Variants in DDX46 observed in about 807,000 individuals in gnomAD.
DDX46 encodes the protein probable ATP-dependent RNA helicase DDX46.
A neutral mutation model predicts 134.9 loss-of-function variants in DDX46; 30 were observed. That is an observed-to-expected ratio of 0.22 (90% CI 0.17 to 0.30). The LOEUF (loss-of-function observed/expected upper bound fraction) is 0.30. DDX46 is among the 10% of genes least tolerant of loss of function. The pLI is 1.00. For missense variants in DDX46, 622 were observed against 1,248.7 expected (o/e 0.50, Z 7.56); for synonymous variants, 415 against 404.1 (o/e 1.03, Z -0.32).
At chr5:134,769,566 G>T in intron 3 of DDX46, among the ~76,000 whole-genome samples, 1 of 140,118 alleles carries the variant, frequency 7.1e-6, no homozygotes, top group Admixed American at 7.2e-5. Context: ...TTGAGGTGAA[G>T]TTTTGCTCTT....
At chr5:134,801,376 A>G (rs1754823657) in intron 15 of DDX46, among the ~76,000 whole-genome samples, 2 of 151,902 alleles carry the variant, frequency 1.3e-5, no homozygotes, top group African/African-American at 4.8e-5. Flanking sequence ...TCCAAGTTCC[A>G]AGTTCTTGCA....
At chr5:134,824,872 CA>C (rs902751145) in intron 21 of DDX46, among the ~76,000 whole-genome samples, 1 of 152,156 alleles carries the variant, frequency 6.6e-6, no homozygotes, top group Admixed American at 6.5e-5. Context: ...GGCCTCCCAC[CA>C]GGCAAAGGGA....
chr5:134,785,714 G>A (rs556071236), intron 11 of DDX46, 128 bp downstream of exon 11: 4 of 1,133,540 alleles, frequency 3.5e-6, no homozygotes, highest in Non-Finnish European at 4.8e-6. Context: ...AAAAAATGAA[G>A]TATAAAAATA....
intron 3 of DDX46, among the ~76,000 whole-genome samples, chr5:134,770,454 T>G (rs1753726364): frequency 6.6e-6 from 1 of 152,100 alleles, no homozygotes; most frequent in South Asian, 2.1e-4. Flanking sequence ...TTTCAATTGA[T>G]CCTCCTGCCT....
rs377599114 is a variant in DDX46, at chr5:134,784,914, T to C, written c.1342+373T>C. On this transcript the variant is annotated intron_variant, in intron 10 of 22. Transcript: ENST00000452510. Reference sequence around the variant, plus strand: ...TAGGGAAACATATTTTCCTAGGTAGTTTTTGGCCTTAACAGGCTATAATGC... The same window carrying C: ...TAGGGAAACATATTTTCCTAGGTAGCTTTTGGCCTTAACAGGCTATAATGC... Among the ~76,000 whole-genome samples, 29 of 152,338 alleles carry C rather than the reference T, an allele frequency of 1.9e-4. No individual in the cohort carries two copies. In the South Asian group the frequency reaches 5.8e-3, roughly 30 times the overall value.
At chr5:134,762,200 C>T (rs1042494183) in intron 1 of DDX46, among the ~76,000 whole-genome samples, 1 of 146,636 alleles carries the variant, frequency 6.8e-6, no homozygotes, top group Non-Finnish European at 1.5e-5. Flanking sequence ...TGCTTGAGGC[C>T]GGGAGGTTAA....
At chr5:134,797,277 T>C in intron 15 of DDX46, 1 of 212,960 alleles carries the variant, frequency 4.7e-6, no homozygotes, top group Non-Finnish European at 9.5e-6. Context: ...TAGTAATGAA[T>C]CACTCCAAAA....
At chr5:134,769,781 A>G (rs979112007) in intron 3 of DDX46, among the ~76,000 whole-genome samples, 15 of 149,478 alleles carry the variant, frequency 1.0e-4, no homozygotes, top group African/African-American at 5.1e-5. Context: ...TCCTAACCTC[A>G]TGTGATCCAC....
rs560410453 is a variant in DDX46, at chr5:134,759,352, A to T, written c.17+397A>T. Among the ~76,000 whole-genome samples the T allele has an allele frequency of 2.6e-5, 4 of 152,300 alleles. No homozygotes were observed. The South Asian group carries it at 8.3e-4, about 32-fold the overall frequency. ...CTGTATTTTAGTTCTTTGTGCGCGT[A>T]TGATCTTTTCCCAAGTTACTTGAAA... is the stretch of plus-strand genomic sequence containing the variant. On this transcript the variant is annotated intron_variant, in intron 1 of 22. Coordinates refer to ENST00000452510, the MANE Select transcript of DDX46 (RefSeq NM_001300860.2).
At chr5:134,772,059 C>T (rs1251670131) in intron 4 of DDX46, among the ~76,000 whole-genome samples, 4 of 151,532 alleles carry the variant, frequency 2.6e-5, no homozygotes, top group East Asian at 2.0e-4. Flanking sequence ...GGTAAAACCC[C>T]GTCACTACTA....
chr5:134,820,574 G>T lies in DDX46; in HGVS notation c.2977+1570G>T, dbSNP rs552886865. 3.3e-5 allele frequency among the ~76,000 whole-genome samples: 5 copies of T among 152,326 alleles called. No homozygotes were observed. The South Asian group carries it at 8.3e-4, about 25-fold the overall frequency. On this transcript the variant is annotated intron_variant, in intron 21 of 22. Coordinates refer to ENST00000452510, the MANE Select transcript of DDX46 (RefSeq NM_001300860.2). ...AGTTGGGGTTTCACCATGTTGGCCA[G>T]GCTAGACCTCTTACTTCTTGATTGT...
intron 5 of DDX46, 50 bp from the exon 6 acceptor site, chr5:134,777,524 T>C (rs41298958): frequency 0.019 from 30,445 of 1,603,606 alleles, 392 homozygotes; most frequent in Non-Finnish European, 0.022. Context: ...GATTGTGAAA[T>C]ACTGCATTTT....
At chr5:134,828,015 T>C (rs1201724695) in intron 22 of DDX46, among the ~76,000 whole-genome samples, 2 of 152,196 alleles carry the variant, frequency 1.3e-5, no homozygotes, top group Non-Finnish European at 2.9e-5. Flanking sequence ...TGCCAACACA[T>C]GGTGTTGTCA....
chr5:134,758,947 G>A lies in DDX46; in HGVS notation c.9G>A (p.Arg3=). The A allele has an allele frequency of 6.2e-7, 1 of 1,612,714 alleles. No homozygotes were observed. Among genetic ancestry groups the A allele is most frequent in the Non-Finnish European group, 8.5e-7 (1 of 1,179,864 alleles). ...TTCCCGCGGTCGGCAGCATGGGTCG[G>A]GAGTCACGGTGAGGCAGAGCGCCGA... MG[R]ESRHYRKRSA... Residue 3 remains arginine (R), a synonymous_variant, in exon 1 of 23, where the codon CGG becomes CGA. Transcript: ENST00000452510.
chr5:134,804,094 A>C (rs1284978495), intron 15 of DDX46, among the ~76,000 whole-genome samples: 2 of 151,676 alleles, frequency 1.3e-5, no homozygotes, highest in African/African-American at 4.8e-5. Flanking sequence ...CACCATGCCT[A>C]GCCTATTTTT....
At chr5:134,771,126 G>A (rs1257514135) in intron 4 of DDX46, 127 bp downstream of exon 4, 15 of 525,604 alleles carry the variant, frequency 2.9e-5, no homozygotes, top group East Asian at 1.1e-4. Context: ...CTTTCTTTCT[G>A]TCTTTCTTTC....
In DDX46 at chr5:134,827,027, G is replaced by T. The variant is rs772483945; in HGVS notation, c.3051+7G>T. 7 of 1,609,384 alleles carry T rather than the reference G, an allele frequency of 4.3e-6. No homozygotes were observed. In the South Asian group the frequency reaches 6.7e-5, roughly 15 times the overall value. On this transcript the variant is annotated splice_region_variant and intron_variant, in intron 22 of 22. Coordinates refer to ENST00000452510, the MANE Select transcript of DDX46 (RefSeq NM_001300860.2). ...AGAAGAGCTGATCCGGCTGGTGAGTGAAAACCTTAAAGTTTCGTTTGTTTT... is the reference window on the plus strand; with the variant it reads ...AGAAGAGCTGATCCGGCTGGTGAGTTAAAACCTTAAAGTTTCGTTTGTTTT...
In DDX46 at chr5:134,817,642, G is replaced by C. The variant is rs1580818056; in HGVS notation, c.2760G>C (p.Glu920Asp). Residue 920 changes from glutamate (E) to aspartate (D), a missense_variant, in exon 20 of 23, where the codon GAG becomes GAC. Transcript: ENST00000452510. ...NYVPLEKQEE[E>D]RQDGGQNESF... is the part of the protein sequence containing the mutation. ...TGCCGTTAGAGAAACAAGAAGAAGA[G>C]AGACAGGATGGTGGACAGAATGAAT... The C allele has an allele frequency of 3.7e-6, 6 of 1,614,058 alleles. No individual in the cohort carries two copies. Among genetic ancestry groups the C allele is most frequent in the African/African-American group, 1.3e-5 (1 of 74,920 alleles).
chr5:134,798,291 T>C (rs1754729024), intron 15 of DDX46, among the ~76,000 whole-genome samples: 1 of 151,436 alleles, frequency 6.6e-6, no homozygotes, highest in South Asian at 2.1e-4. Flanking sequence ...TCCCGCCTCC[T>C]GGGTTCAAGC....
Sources: gnomAD v4.1 joint callset for allele counts (sites outside exome capture counted in the v4.1 genomes callset) on GRCh38, gnomAD v4.1.1 for gene constraint, MANE v1.5 for transcripts, NCBI Gene and HGNC (gene_info 2026-07-23, HGNC 2026-07-21) for gene names.